The following ZCWPW2 variants were observed in gnomAD, a reference collection of about 807,000 sequenced individuals.
ZCWPW2 encodes the protein zinc finger CW-type PWWP domain protein 2.
Under a neutral mutation model 46.6 loss-of-function variants are expected in ZCWPW2, and 45 were observed. That is an observed-to-expected ratio of 0.96 (90% confidence interval 0.76 to 1.24). The LOEUF (loss-of-function observed/expected upper bound fraction) is 1.24, where lower values mean the gene tolerates loss of function less well. ZCWPW2 is among the 50% of genes most tolerant of loss of function. The pLI is 0.00. For missense variants in ZCWPW2, 429 were observed against 403.9 expected (o/e 1.06, Z -0.53); for synonymous variants, 152 against 137.1 (o/e 1.11, Z -0.76).
At chr3:28,488,530 G>A (rs909317193) in intron 5 of ZCWPW2, among the ~76,000 whole-genome samples, 1 of 151,786 alleles carries the variant, frequency 6.6e-6, no homozygotes, top group Non-Finnish European at 1.5e-5. Context: ...GAATACACAA[G>A]GTTTAAAAAA....
Position 28,355,163 on chromosome 3 carries a change from C to T in ZCWPW2, c.-134+5960C>T, listed in dbSNP as rs540867514. Among the ~76,000 whole-genome samples the T allele has an allele frequency of 2.6e-3, 398 of 152,278 alleles. 3 individuals are homozygous for T. The highest frequency in any genetic ancestry group is 7.7e-3 in the South Asian group (37 of 4,830). ...AGGCAACTTCAGCAAAGTCTCAGGA[C>T]GCAAAATCAATGTGCAAAAATCACA... is the stretch of plus-strand genomic sequence containing the variant. On this transcript the variant is annotated intron_variant, in intron 1 of 9. Transcript: ENST00000383768.
intron 3 of ZCWPW2, among the ~76,000 whole-genome samples, chr3:28,426,196 C>A (rs1697003546): frequency 6.6e-6 from 1 of 151,732 alleles, no homozygotes; most frequent in Non-Finnish European, 1.5e-5. Flanking sequence ...ATGGAAACAT[C>A]TGTATGTACC....
chr3:28,416,685 A>G (rs373955471), intron 3 of ZCWPW2, among the ~76,000 whole-genome samples: 2,548 of 13,478 alleles, frequency 0.19, 363 homozygotes, highest in Middle Eastern at 0.24. Context: ...TTTGAGATAC[A>G]TCCCATCAAT....
intron 8 of ZCWPW2, among the ~76,000 whole-genome samples, chr3:28,516,303 A>AAAGC (rs1700572704): frequency 6.8e-6 from 1 of 148,108 alleles, no homozygotes; most frequent in Non-Finnish European, 1.5e-5. Flanking sequence ...ATAAATAAAT[A>AAAGC]AAGCACCAGC....
chr3:28,426,148 G>A (rs1697001376), intron 3 of ZCWPW2, among the ~76,000 whole-genome samples: 3 of 151,490 alleles, frequency 2.0e-5, no homozygotes, highest in Admixed American at 6.6e-5. Flanking sequence ...TGTATATATA[G>A]CATTTTGCCT....
At chr3:28,469,351 G>A (rs1698949230) in intron 4 of ZCWPW2, among the ~76,000 whole-genome samples, 1 of 152,020 alleles carries the variant, frequency 6.6e-6, no homozygotes, top group African/African-American at 2.4e-5. Flanking sequence ...CAAAATGGCA[G>A]GAGTAAGTCC....
chr3:28,431,646 AAATTCAGCCCAT>A (rs1352622840), intron 3 of ZCWPW2, among the ~76,000 whole-genome samples: 1 of 152,180 alleles, frequency 6.6e-6, no homozygotes, highest in Non-Finnish European at 1.5e-5. Flanking sequence ...GAGGAGGACA[AAATTCAGCCCAT>A]AATGATGTCA....
At chr3:28,437,731 G>A (rs940248621) in intron 4 of ZCWPW2, among the ~76,000 whole-genome samples, 2 of 152,026 alleles carry the variant, frequency 1.3e-5, no homozygotes, top group Non-Finnish European at 2.9e-5. Context: ...TATAACTGAT[G>A]TTAGTTTATA....
chr3:28,387,474 T>C (rs1392929272), intron 1 of ZCWPW2, among the ~76,000 whole-genome samples: 2 of 152,204 alleles, frequency 1.3e-5, no homozygotes, highest in African/African-American at 4.8e-5. Context: ...CCAAGACAGT[T>C]ACACTTTAAA....
At chr3:28,432,170 C>T (rs765624744) in intron 3 of ZCWPW2, among the ~76,000 whole-genome samples, 7 of 152,092 alleles carry the variant, frequency 4.6e-5, no homozygotes, top group East Asian at 1.9e-4. Context: ...CATATCAGTG[C>T]GTCTTGTCTG....
intron 1 of ZCWPW2, among the ~76,000 whole-genome samples, chr3:28,363,530 C>T (rs2125695199): frequency 6.6e-6 from 1 of 152,200 alleles, no homozygotes; most frequent in Admixed American, 6.5e-5. Context: ...AGAAGCACAG[C>T]CCCACTCAGT....
At chr3:28,478,233 A>ATT (rs1699300590) in intron 4 of ZCWPW2, 1 of 233,600 alleles carries the variant, frequency 4.3e-6, no homozygotes, top group Non-Finnish European at 8.9e-6. Flanking sequence ...TGTGAATAGA[A>ATT]TTTTTTATTT....
At chr3:28,487,241 G>C (rs1324493372) in intron 5 of ZCWPW2, among the ~76,000 whole-genome samples, 4 of 151,700 alleles carry the variant, frequency 2.6e-5, no homozygotes, top group Admixed American at 2.0e-4. Context: ...TTACATGTAT[G>C]TCACACTTTT....
rs531335077 is a variant in ZCWPW2 at position 28,382,158 on chromosome 3, AT to A, written c.-133-8339del. 2.8e-4 allele frequency among the ~76,000 whole-genome samples: 37 copies of A among 130,122 alleles called. No homozygotes were observed. In the South Asian group the frequency reaches 8.8e-3, roughly 31 times the overall value. The allele number at this position is 130,122 out of a possible 152,430, so 85.4% of individuals were successfully genotyped here. The stretch of plus-strand genomic sequence containing the variant: ...GCCTGGGCAAGAAGAGTCAAACTGC[AT>A]CTCAAAAAAAAAAAAAAAAAAAGAG... On this transcript the variant is annotated intron_variant, in intron 1 of 9. Transcript: ENST00000383768.
At chr3:28,509,237 A>G (rs1700361248) in intron 6 of ZCWPW2, among the ~76,000 whole-genome samples, 1 of 152,108 alleles carries the variant, frequency 6.6e-6, no homozygotes, top group East Asian at 1.9e-4. Flanking sequence ...ATTGGTGGAC[A>G]TTTGGGTTGT....
intron 1 of ZCWPW2, among the ~76,000 whole-genome samples, chr3:28,382,592 A>G (rs767658624): frequency 1.1e-4 from 17 of 152,138 alleles, no homozygotes; most frequent in Non-Finnish European, 2.4e-4. Flanking sequence ...AATACTTACT[A>G]TTGTGCCAAA....
intron 1 of ZCWPW2, among the ~76,000 whole-genome samples, chr3:28,360,405 T>C (rs13070434): frequency 0.48 from 70,753 of 146,242 alleles, 17,637 homozygotes; most frequent in Non-Finnish European, 0.54. Flanking sequence ...TGCCTGTAGT[T>C]CCAGCTACTT....
chr3:28,390,662 G>C, intron 2 of ZCWPW2, 45 bp downstream of exon 2: 1 of 984,576 alleles, frequency 1.0e-6, no homozygotes, highest in African/African-American at 1.7e-5. Context: ...TAGTACATAA[G>C]CATTTTTATT....
intron 1 of ZCWPW2, among the ~76,000 whole-genome samples, chr3:28,385,486 A>G (rs1695236254): frequency 6.6e-6 from 1 of 152,216 alleles, no homozygotes; most frequent in African/African-American, 2.4e-5. Context: ...TTCAAGGTTG[A>G]CGAGATGTCC....
Sources: allele counts gnomAD v4.1 joint callset (sites outside exome capture counted in the v4.1 genomes callset), GRCh38; gene constraint gnomAD v4.1.1; transcripts MANE v1.5; gene names NCBI Gene and HGNC (gene_info 2026-07-23, HGNC 2026-07-21).